ZNF518A: variants seen among roughly 807,000 people sequenced by gnomAD.
The protein encoded by ZNF518A is zinc finger protein 518A, also known as zinc finger protein 518.
ZNF518A carries 47 observed loss-of-function variants against 102.7 expected under a neutral mutation model. The ratio of observed to expected loss-of-function variants is 0.46; its 90% CI spans 0.36 to 0.58. The LOEUF (loss-of-function observed/expected upper bound fraction) is 0.58, where lower values mean the gene tolerates loss of function less well. Ranked by LOEUF, ZNF518A falls within the 20% of genes least tolerant of loss-of-function variation. The probability of loss-of-function intolerance (pLI) is 0.00; values close to 1 mark genes in which losing one functional copy is unlikely to be tolerated. For missense variants in ZNF518A, 1,793 were observed against 1,699.8 expected (o/e 1.05, Z -0.96); for synonymous variants, 652 against 594.6 (o/e 1.10, Z -1.40).
Position 96,158,363 on chromosome 10 carries a change from T to C in ZNF518A, c.2041T>C (p.Ser681Pro), listed in dbSNP as rs1554884592. 6.2e-7 allele frequency: 1 copy of C among 1,613,686 alleles called. No homozygotes were observed. The highest frequency in any genetic ancestry group is 2.2e-5 in the East Asian group (1 of 44,872). ...KTVVQQPISE[S>P]FLSLVRQESS... ...AGTTGTCCAACAACCAATTAGTGAA[T>C]CATTTTTATCACTAGTGAGGCAGGA... The change falls in exon 6 of 6, where the codon TCA (serine) becomes CCA (proline). Residue 681 changes from serine (S) to proline (P), a missense_variant. Transcript: ENST00000316045.
rs1554883466 is a variant in ZNF518A, at chr10:96,157,455, A to G, written c.1133A>G (p.His378Arg). The G allele has an allele frequency of 1.2e-6, 2 of 1,613,750 alleles. No individual in the cohort carries two copies. Among genetic ancestry groups the G allele is most frequent in the East Asian group, 2.2e-5 (1 of 44,880 alleles). The change falls in exon 6 of 6, where the codon CAC becomes CGC. Residue 378 changes from histidine to arginine, a missense_variant. His to Arg is a conservative substitution (Grantham distance 29, BLOSUM62 0). Transcript: ENST00000316045. ...AGTGAAGAAAAGGATGAAAGACTAC[A>G]CTGTGAGAATAATGATAAAGCCCCT... The part of the protein sequence containing the change: ...HLSEEKDERL[H>R]CENNDKAPES...
chr10:96,142,323 TGTGTGTGTGTGTGTGTGTGTGTGTGTGTG>T (rs1554876853), intron 3 of ZNF518A, among the ~76,000 whole-genome samples: 4 of 139,410 alleles, frequency 2.9e-5, no homozygotes, highest in Admixed American at 1.4e-4. Context: ...TGTGTGTGTG[TGTGTGTGTGTGTGTGTGTGTGTGTGTGTG>T]TGTTTCTAGA....
At chr10:96,188,974 G>A (rs892398848) in intron 1 of ZNF518A, among the ~76,000 whole-genome samples, 2 of 152,018 alleles carry the variant, frequency 1.3e-5, no homozygotes, top group South Asian at 2.1e-4. Flanking sequence ...GTGCTCCCAG[G>A]CCTACAGATG....
At chr10:96,143,857 G>A (rs782745294) in intron 3 of ZNF518A, among the ~76,000 whole-genome samples, 3 of 152,284 alleles carry the variant, frequency 2.0e-5, no homozygotes, top group East Asian at 1.9e-4. Flanking sequence ...ATTGTCAGTA[G>A]TTTGGAGGAT....
In ZNF518A at chr10:96,156,530, T is replaced by C; in HGVS notation, c.208T>C (p.Tyr70His). The change falls in exon 6 of 6, where the codon TAC becomes CAC. Residue 70 changes from tyrosine to histidine, a missense_variant. By Grantham distance (83) the Tyr-to-His change is moderately conservative (BLOSUM62 2). Transcript: ENST00000316045. ...EVLLKHEVDK[Y>H]RKLFQSKQQT... ...CCTATTGAAACATGAAGTTGACAAA[T>C]ACAGAAAATTATTTCAGAGTAAACA... The C allele has an allele frequency of 6.2e-7, 1 of 1,611,440 alleles. No individual in the cohort carries two copies. The highest frequency in any genetic ancestry group is 1.1e-5 in the South Asian group (1 of 90,206).
At chr10:96,179,081 T>C (rs2083222989) in intron 1 of ZNF518A, among the ~76,000 whole-genome samples, 2 of 152,102 alleles carry the variant, frequency 1.3e-5, no homozygotes, top group African/African-American at 4.8e-5. Flanking sequence ...TACTAAAATT[T>C]GATGAAGACA....
chr10:96,184,904 C>A (rs189484536), intron 1 of ZNF518A, among the ~76,000 whole-genome samples: 10 of 152,316 alleles, frequency 6.6e-5, no homozygotes, highest in Non-Finnish European at 1.2e-4. Context: ...TGTCTTCCAG[C>A]TAGGTTCCAT....
chr10:96,140,766 TA>T (rs782477127), intron 3 of ZNF518A, among the ~76,000 whole-genome samples: 20 of 136,010 alleles, frequency 1.5e-4, no homozygotes, highest in African/African-American at 2.9e-4. Context: ...CCCCATCTCT[TA>T]AAAAAAAAAA....
intron 2 of ZNF518A, 146 bp from the exon 3 acceptor site, chr10:96,133,437 C>CA (rs1211706966): frequency 1.3e-5 from 2 of 151,668 alleles, no homozygotes; most frequent in Non-Finnish European, 1.5e-5. Context: ...TGGGTGTAGA[C>CA]AAAAAAGGAG....
At chr10:96,136,812 A>G (rs1250589780) in intron 3 of ZNF518A, among the ~76,000 whole-genome samples, 3 of 152,146 alleles carry the variant, frequency 2.0e-5, no homozygotes, top group Non-Finnish European at 2.9e-5. Flanking sequence ...GTCCTTGCCT[A>G]CCTTCTTTCC....
At position 96,151,297 on chromosome 10, in the gene ZNF518A, A is replaced by G. The variant is rs587766336; in HGVS notation, c.-301-4029A>G. On this transcript the variant is annotated intron_variant, in intron 3 of 5. Transcript: ENST00000316045. ...ACCTCATTTATTTTTCTTACAGTGT[A>G]GAGATAATTCAGTTATGTAGCGAAA... 3.3e-5 allele frequency: 5 copies of G among 152,290 alleles called. No homozygotes were observed. In the South Asian group the frequency reaches 1.0e-3, roughly 32 times the overall value. 9.4% of individuals were successfully genotyped at this position (152,290 alleles called of 1,614,324 possible). A position where few individuals can be genotyped will look rare whatever the true frequency, so the allele number is the denominator to read the frequency against.
In ZNF518A at chr10:96,130,442, C is replaced by T. The variant is rs782230886; in HGVS notation, c.-763C>T. ...TCTACACTCTCCTACATTCTAGGAG[C>T]TGGGTGGGAGTAGGAGACGGTGTGC... On this transcript the variant is annotated 5_prime_UTR_variant, in exon 1 of 6. Coordinates refer to ENST00000316045, the MANE Select transcript of ZNF518A (RefSeq NM_001330736.2). Among the ~76,000 whole-genome samples, 13 of 152,240 alleles carry T rather than the reference C, an allele frequency of 8.5e-5. No homozygotes were observed. Among genetic ancestry groups the T allele is most frequent in the Non-Finnish European group, 1.5e-4 (10 of 68,038 alleles).
chr10:96,159,163 G>T lies in ZNF518A; in HGVS notation c.2841G>T (p.Lys947Asn). The T allele has an allele frequency of 6.2e-7, 1 of 1,613,700 alleles. No homozygotes were observed. The highest frequency in any genetic ancestry group is 8.5e-7 in the Non-Finnish European group (1 of 1,179,746). The change falls in exon 6 of 6, where the codon AAG (lysine) becomes AAT (asparagine). Residue 947 changes from lysine (K) to asparagine (N), a missense_variant. This residue lies in a region of ZNF518A where 1,741 missense variants were observed against 1,622.6 expected (regional missense o/e 1.07). Coordinates refer to ENST00000316045, the MANE Select transcript of ZNF518A (RefSeq NM_001330736.2). The part of the protein sequence containing the change: ...GFLIPLNITN[K>N]PGLPVIPGNA... ...TAATACCATTGAACATTACTAACAA[G>T]CCTGGGCTACCAGTTATTCCTGGAA...
At chr10:96,173,497 A>G (rs1178675272) in intron 1 of ZNF518A, among the ~76,000 whole-genome samples, 11 of 152,222 alleles carry the variant, frequency 7.2e-5, no homozygotes, top group African/African-American at 2.2e-4. Context: ...TGAAACAACA[A>G]GAATTTATTT....
chr10:96,140,071 T>G (rs587724572), intron 3 of ZNF518A, among the ~76,000 whole-genome samples: 5 of 152,168 alleles, frequency 3.3e-5, no homozygotes, highest in African/African-American at 1.2e-4. Context: ...TTGGTCAGGC[T>G]GGTCTCAAAC....
At chr10:96,155,250 T>C (rs1160582727) in intron 3 of ZNF518A, 76 bp from the exon 4 acceptor site, 4 of 152,182 alleles carry the variant, frequency 2.6e-5, no homozygotes, top group Non-Finnish European at 4.4e-5. Context: ...TTTTTACATA[T>C]ATTTTCTCAT....
In ZNF518A at chr10:96,200,237, A is replaced by G. The variant is rs1346947118; in HGVS notation, n.36-3337A>G. On this transcript the variant is annotated intron_variant and non_coding_transcript_variant, in intron 1 of 2. Coordinates refer to the ZNF518A transcript ENST00000442635. This position sits in a 1 kb window ranked among gnomAD's most constrained non-coding sequence, Gnocchi z 4.3. Reference sequence around the variant, plus strand: ...TTCTGTGTACTAGAAACAAAGACCCATTTGCATTATCAAGACAGGCCTCTA... The same window carrying G: ...TTCTGTGTACTAGAAACAAAGACCCGTTTGCATTATCAAGACAGGCCTCTA... The G allele has an allele frequency of 8.6e-7, 1 of 1,162,458 alleles. No individual in the cohort carries two copies. The highest frequency in any genetic ancestry group is 1.5e-5 in the African/African-American group (1 of 66,266). 72.0% of individuals were successfully genotyped at this position (1,162,458 alleles called of 1,614,324 possible). A position where few individuals can be genotyped will look rare whatever the true frequency, so the allele number is the denominator to read the frequency against.
intron 1 of ZNF518A, among the ~76,000 whole-genome samples, chr10:96,197,773 G>A (rs1554895052): frequency 6.6e-6 from 1 of 151,752 alleles, no homozygotes; most frequent in Non-Finnish European, 1.5e-5. Context: ...ATCCCTAGCC[G>A]GGCATAGTGG....
At chr10:96,181,835 C>T (rs959698145) in intron 1 of ZNF518A, among the ~76,000 whole-genome samples, 41 of 152,146 alleles carry the variant, frequency 2.7e-4, no homozygotes, top group Middle Eastern at 3.4e-3. Context: ...TTTTTTGGTT[C>T]CATATGAACT....
Sources: gnomAD v4.1 joint callset for allele counts (sites outside exome capture counted in the v4.1 genomes callset) on GRCh38, gnomAD v4.1.1 for gene constraint, gnomAD v4.1.1 regional missense constraint, Gnocchi (gnomAD v3.1) non-coding constraint, MANE v1.5 for transcripts, NCBI Gene and HGNC (gene_info 2026-07-23, HGNC 2026-07-21) for gene names.